Variants in CGNL1 observed in about 807,000 individuals in gnomAD.
CGNL1 encodes cingulin-like protein 1.
CGNL1 carries 132 observed loss-of-function variants against 141.2 expected under a neutral mutation model. That is an observed-to-expected ratio of 0.93 (90% CI 0.81 to 1.08). The LOEUF (loss-of-function observed/expected upper bound fraction) is 1.08, where lower values mean the gene tolerates loss of function less well. Ranked by LOEUF, CGNL1 falls within the 50% of genes least tolerant of loss-of-function variation. CGNL1 has a pLI of 0.00. For missense variants in CGNL1, 1,870 were observed against 1,588.6 expected, an observed-to-expected ratio of 1.18 and a Z score of -3.01; for synonymous variants, 690 against 622.1, an observed-to-expected ratio of 1.11 and a Z score of -1.63.
chr15:57,541,431 C>A (rs1265290175), intron 14 of CGNL1, among the ~76,000 whole-genome samples: 1 of 152,212 alleles, frequency 6.6e-6, no homozygotes, highest in Non-Finnish European at 1.5e-5. Context: ...AGCCTGCATT[C>A]ATTCCCCTTG....
intron 1 of CGNL1, among the ~76,000 whole-genome samples, chr15:57,428,971 C>T (rs1462983853): frequency 2.0e-5 from 3 of 151,832 alleles, no homozygotes; most frequent in South Asian, 4.2e-4. Context: ...TGCAGTGAGC[C>T]GAGATTGCGC....
At chr15:57,396,990 T>C (rs1282764176) in intron 1 of CGNL1, 1 of 152,202 alleles carries the variant, frequency 6.6e-6, no homozygotes, top group African/African-American at 2.4e-5. Flanking sequence ...ACAGAATCCA[T>C]GCATAGGGCA....
chr15:57,475,492 GGTGTGTGTGTGTGTGTGTGTGT>G (rs72168222), intron 8 of CGNL1, among the ~76,000 whole-genome samples: 4 of 147,808 alleles, frequency 2.7e-5, no homozygotes, highest in Admixed American at 6.7e-5. Context: ...ATACAAGTGT[GGTGTGTGTGTGTGTGTGTGTGT>G]GTGTGTGTGT....
chr15:57,408,546 T>C (rs1232841062), intron 1 of CGNL1, among the ~76,000 whole-genome samples: 4 of 152,104 alleles, frequency 2.6e-5, no homozygotes, highest in Non-Finnish European at 5.9e-5. Context: ...AATTTTAGTT[T>C]AGTTTTTTAG....
intron 10 of CGNL1, among the ~76,000 whole-genome samples, chr15:57,521,414 G>A (rs1355522642): frequency 6.6e-6 from 1 of 152,088 alleles, no homozygotes; most frequent in Non-Finnish European, 1.5e-5. Context: ...ATCCTTGCTT[G>A]GTGATTCTAA....
rs1426984367 is a variant in CGNL1 at position 57,451,580 on chromosome 15, A to G, written c.1884A>G (p.Arg628=). Residue 628 remains arginine (R), a synonymous_variant, in exon 5 of 19, where the codon AGA becomes AGG. Transcript: ENST00000281282. ...CCATAGAAGTGGCTGAACTTCAGAG[A>G]CAGCTTCAACTGGAAGTCAAGGTAT... ...KLTIEVAELQ[R]QLQLEVKNQQ... 6.2e-7 allele frequency: 1 copy of G among 1,609,864 alleles called. No individual in the cohort carries two copies. The highest frequency in any genetic ancestry group is 8.5e-7 in the Non-Finnish European group (1 of 1,177,284).
At chr15:57,451,332 C>T (rs1317218068) in intron 4 of CGNL1, among the ~76,000 whole-genome samples, 168 bp from the exon 5 acceptor site, 1 of 152,168 alleles carries the variant, frequency 6.6e-6, no homozygotes, top group African/African-American at 2.4e-5. Flanking sequence ...TAACTCTGCC[C>T]ACCAAGTCAG....
chr15:57,380,477 G>A (rs1332423858), intron 1 of CGNL1, among the ~76,000 whole-genome samples: 1 of 152,170 alleles, frequency 6.6e-6, no homozygotes, highest in Admixed American at 6.5e-5. Context: ...CTAATCAAGA[G>A]GAACACAGTG....
At chr15:57,447,392 AG>A (rs1371831660) in intron 4 of CGNL1, among the ~76,000 whole-genome samples, 10 of 152,202 alleles carry the variant, frequency 6.6e-5, no homozygotes, top group African/African-American at 2.2e-4. Context: ...CTCAGTTTTC[AG>A]GAACTCTAGT....
chr15:57,527,693 G>A (rs185208614), intron 12 of CGNL1: 2 of 152,238 alleles, frequency 1.3e-5, no homozygotes, highest in South Asian at 2.1e-4. Flanking sequence ...GTGCCACCTT[G>A]TGGATGGAAA....
intron 1 of CGNL1, among the ~76,000 whole-genome samples, chr15:57,399,008 AAAC>A (rs1426152949): frequency 6.6e-6 from 1 of 152,222 alleles, no homozygotes; most frequent in African/African-American, 2.4e-5. Flanking sequence ...ACTTATGAGA[AAAC>A]AAAGTGATAT....
chr15:57,421,220 C>T (rs1465854639), intron 1 of CGNL1, among the ~76,000 whole-genome samples: 1 of 152,180 alleles, frequency 6.6e-6, no homozygotes, highest in African/African-American at 2.4e-5. Flanking sequence ...TTGACTGGCA[C>T]CTTGGTCTTG....
chr15:57,440,328 C>A, intron 2 of CGNL1, 49 bp from the exon 3 acceptor site: 3 of 1,375,076 alleles, frequency 2.2e-6, no homozygotes, highest in Non-Finnish European at 3.1e-6. Context: ...TGTTTGGAAG[C>A]CTCTGGGAAC....
intron 13 of CGNL1, 133 bp from the exon 14 acceptor site, chr15:57,531,557 T>C (rs1433024893): frequency 1.5e-6 from 1 of 665,922 alleles, no homozygotes; most frequent in African/African-American, 1.8e-5. Flanking sequence ...AAGAAATAGA[T>C]ATATTGTTTT....
chr15:57,468,794 T>C (rs1198501097), intron 8 of CGNL1, among the ~76,000 whole-genome samples: 1 of 152,186 alleles, frequency 6.6e-6, no homozygotes, highest in African/African-American at 2.4e-5. Flanking sequence ...TGGTGGGAGA[T>C]AACTGAATCA....
rs374071423 is a variant in CGNL1, at chr15:57,442,510, A to C, written c.1803+32A>C. On this transcript the variant is annotated intron_variant, in intron 4 of 18. Coordinates refer to ENST00000281282, the MANE Select transcript of CGNL1 (RefSeq NM_032866.5). Reference sequence around the variant, plus strand: ...GGAAGTTTTGTATTTTGTAGAGTGCATTTAGCATGGAATGTGGTAAACAAC... The same window carrying C: ...GGAAGTTTTGTATTTTGTAGAGTGCCTTTAGCATGGAATGTGGTAAACAAC... 1.6e-5 allele frequency: 21 copies of C among 1,322,528 alleles called. No homozygotes were observed. In the African/African-American group the frequency reaches 2.2e-4, roughly 14 times the overall value. The allele number at this position is 1,322,528 out of a possible 1,614,324, so 81.9% of individuals were successfully genotyped here. A position where few individuals can be genotyped will look rare whatever the true frequency, so the allele number is the denominator to read the frequency against.
chr15:57,487,535 A>G (rs192077724), intron 8 of CGNL1, among the ~76,000 whole-genome samples: 70 of 152,344 alleles, frequency 4.6e-4, no homozygotes, highest in African/African-American at 1.6e-3. Context: ...TGGTAATAAT[A>G]TAAGTGTCAT....
chr15:57,521,930 C>T (rs576410938), intron 10 of CGNL1, among the ~76,000 whole-genome samples: 31 of 152,216 alleles, frequency 2.0e-4, no homozygotes, highest in African/African-American at 6.0e-4. Flanking sequence ...GTTGTTTTCA[C>T]AGATTGACGT....
At chr15:57,398,621 A>C (rs186414545) in intron 1 of CGNL1, among the ~76,000 whole-genome samples, 229 of 152,324 alleles carry the variant, frequency 1.5e-3, no homozygotes, top group African/African-American at 5.3e-3. Context: ...GTGTTGTTTG[A>C]AAAACCAGTC....
Sources: gnomAD v4.1 joint callset for allele counts (sites outside exome capture counted in the v4.1 genomes callset) on GRCh38, gnomAD v4.1.1 for gene constraint, MANE v1.5 for transcripts, NCBI Gene and HGNC (gene_info 2026-07-23, HGNC 2026-07-21) for gene names.